TIAM1: variants seen among roughly 807,000 people sequenced by gnomAD.
TIAM1 encodes TIAM Rac1 associated GEF 1.
Under a neutral mutation model 163.5 loss-of-function variants are expected in TIAM1, and 65 were observed. The observed-to-expected ratio is 0.40, with a 90% CI of 0.33 to 0.49. The LOEUF is 0.49. Ranked by LOEUF, TIAM1 falls within the 20% of genes least tolerant of loss-of-function variation. The pLI is 0.77. For missense variants in TIAM1, 1,789 were observed against 2,044.7 expected (o/e 0.87, Z 2.41); for synonymous variants, 833 against 810.1 (o/e 1.03, Z -0.48).
At chr21:31,228,259 A>AG (rs2088177362) in intron 6 of TIAM1, among the ~76,000 whole-genome samples, 1 of 82,794 alleles carries the variant, frequency 1.2e-5, no homozygotes, top group African/African-American at 5.0e-5. Flanking sequence ...AAAAAAAAAA[A>AG]GGAAGGAAAA....
chr21:31,141,058 T>G lies in TIAM1; in HGVS notation c.3774+60A>C. On this transcript the variant is annotated intron_variant, in intron 22 of 27. Coordinates refer to ENST00000541036, the MANE Select transcript of TIAM1 (RefSeq NM_001353694.2). The surrounding 1 kb of genome is among the most constrained non-coding windows in gnomAD (Gnocchi z 4.7). ...CCTTTTTAAAAAATAAATAAATAAA[T>G]AAAAGCAAACTCAAACTCGGCTTTC... 7.6e-7 allele frequency: 1 copy of G among 1,324,330 alleles called. No homozygotes were observed. The highest frequency in any genetic ancestry group is 1.4e-5 in the South Asian group (1 of 72,414). The allele number at this position is 1,324,330 out of a possible 1,614,324, so 82.0% of individuals were successfully genotyped here. A position where few individuals can be genotyped will look rare whatever the true frequency, so the allele number is the denominator to read the frequency against.
intron 8 of TIAM1, among the ~76,000 whole-genome samples, chr21:31,221,696 C>T (rs932143388): frequency 7.9e-5 from 12 of 152,272 alleles, no homozygotes; most frequent in African/African-American, 2.2e-4. Context: ...TTCGATGCTC[C>T]GGGTTTGGTA....
chr21:31,425,457 T>C (rs960885282), intron 2 of TIAM1, among the ~76,000 whole-genome samples: 2 of 152,116 alleles, frequency 1.3e-5, no homozygotes, highest in African/African-American at 4.8e-5. Context: ...CCAAGCAGGT[T>C]AGACAGCTTC....
At chr21:31,348,606 C>T (rs935964958), upstream of TIAM1, among the ~76,000 whole-genome samples, 1 of 152,164 alleles carries the variant, frequency 6.6e-6, no homozygotes, top group Non-Finnish European at 1.5e-5. Flanking sequence ...CAACGGATTG[C>T]CAAAATCAAT....
intron 2 of TIAM1, among the ~76,000 whole-genome samples, chr21:31,305,435 A>G (rs112732220): frequency 6.6e-6 from 1 of 152,078 alleles, no homozygotes; most frequent in Non-Finnish European, 1.5e-5. Flanking sequence ...AAAAAAAAAA[A>G]AAACAGTTCT....
intron 13 of TIAM1, among the ~76,000 whole-genome samples, chr21:31,194,168 C>G (rs2085725444): frequency 6.6e-6 from 1 of 152,036 alleles, no homozygotes; most frequent in Non-Finnish European, 1.5e-5. Context: ...ACTCCTAAAC[C>G]CACTTCTTGT....
chr21:31,306,088 T>C (rs1255563251), intron 2 of TIAM1, among the ~76,000 whole-genome samples: 2 of 150,476 alleles, frequency 1.3e-5, no homozygotes, highest in Non-Finnish European at 3.0e-5. Flanking sequence ...AATAACAGAA[T>C]GGCCTGGCAA....
intron 2 of TIAM1, among the ~76,000 whole-genome samples, chr21:31,303,943 A>G (rs897890035): frequency 7.9e-5 from 12 of 152,132 alleles, no homozygotes; most frequent in African/African-American, 9.7e-5. Flanking sequence ...GCACTACTGC[A>G]CTCCAGCCTG....
At chr21:31,263,879 C>T (rs1024210391) in intron 4 of TIAM1, among the ~76,000 whole-genome samples, 1 of 152,170 alleles carries the variant, frequency 6.6e-6, no homozygotes, top group African/African-American at 2.4e-5. Flanking sequence ...CCCTTCAATC[C>T]CTTTCAGGTG....
At chr21:31,447,730 T>G (rs1261628974) in intron 2 of TIAM1, among the ~76,000 whole-genome samples, 1 of 152,148 alleles carries the variant, frequency 6.6e-6, no homozygotes, top group Non-Finnish European at 1.5e-5. Flanking sequence ...TGACCAGGGA[T>G]GAGTGCTTGT....
At chr21:31,275,512 C>T (rs779268855) in intron 3 of TIAM1, among the ~76,000 whole-genome samples, 16 of 152,202 alleles carry the variant, frequency 1.1e-4, no homozygotes, top group South Asian at 2.1e-4. Context: ...TCTACTTTTT[C>T]GCTATATTTC....
chr21:31,322,737 T>C (rs930159986), intron 2 of TIAM1, among the ~76,000 whole-genome samples: 7 of 152,238 alleles, frequency 4.6e-5, no homozygotes, highest in African/African-American at 1.7e-4. Context: ...CCACAGTCTG[T>C]CCACTGAATT....
At chr21:31,328,498 G>A (rs2075567839) in intron 2 of TIAM1, among the ~76,000 whole-genome samples, 1 of 151,872 alleles carries the variant, frequency 6.6e-6, no homozygotes, top group Non-Finnish European at 1.5e-5. Context: ...AGCCTCCTGA[G>A]TAGCTGGGAA....
chr21:31,558,198 G>T (rs1029064940), intron 1 of TIAM1, among the ~76,000 whole-genome samples: 1 of 152,158 alleles, frequency 6.6e-6, no homozygotes, highest in Non-Finnish European at 1.5e-5. Flanking sequence ...GCATCGCAGC[G>T]GCAGAGCTGG....
chr21:31,489,134 C>G (rs981248127), intron 1 of TIAM1, among the ~76,000 whole-genome samples: 2 of 146,702 alleles, frequency 1.4e-5, no homozygotes, highest in African/African-American at 5.1e-5. Context: ...ATTTGGGAGG[C>G]TGAGGCAGGA....
intron 2 of TIAM1, among the ~76,000 whole-genome samples, chr21:31,351,310 C>A (rs2076230622): frequency 6.6e-6 from 1 of 152,138 alleles, no homozygotes. Flanking sequence ...CAGCCCAGTA[C>A]CCAGGTCAAC....
rs531961644 is a variant in TIAM1, at chr21:31,496,389, G to GAGGTGGGAGAATCGCCTA, written c.-421-32355_-421-32354insTAGGCGATTCTCCCACCT. Reference sequence around the variant, plus strand: ...CCAGTAGTCCCAGTTACTTGGGACTGAATCCAGGAGACGAAGTTTGCAGTG... The same window carrying GAGGTGGGAGAATCGCCTA: ...CCAGTAGTCCCAGTTACTTGGGACTGAGGTGGGAGAATCGCCTAAATCCAGGAGACGAAGTTTGCAGTG... On this transcript the variant is annotated intron_variant, in intron 1 of 28. Coordinates refer to the TIAM1 transcript ENST00000286827. 1.6e-3 allele frequency among the ~76,000 whole-genome samples: 24 copies of GAGGTGGGAGAATCGCCTA among 14,972 alleles called. No individual in the cohort carries two copies. In the South Asian group the frequency reaches 0.044, roughly 28 times the overall value. The allele number at this position is 14,972 out of a possible 152,430, so 9.8% of individuals were successfully genotyped here.
chr21:31,462,407 G>A (rs1337603481), intron 2 of TIAM1, among the ~76,000 whole-genome samples: 1 of 152,206 alleles, frequency 6.6e-6, no homozygotes, highest in Non-Finnish European at 1.5e-5. Context: ...TAAGCAAAGA[G>A]ATCCAGTTGA....
intron 3 of TIAM1, among the ~76,000 whole-genome samples, chr21:31,273,271 A>G (rs1374683441): frequency 3.3e-5 from 5 of 152,318 alleles, no homozygotes; most frequent in Admixed American, 3.3e-4. Context: ...AGAGGAATCA[A>G]GAATGGTCCC....
Sources: allele counts gnomAD v4.1 joint callset (sites outside exome capture counted in the v4.1 genomes callset), GRCh38; gene constraint gnomAD v4.1.1; non-coding constraint Gnocchi (gnomAD v3.1); transcripts MANE v1.5; gene names NCBI Gene and HGNC (gene_info 2026-07-23, HGNC 2026-07-21).